Variants in FLOT2 observed in about 807,000 individuals in gnomAD.
The protein encoded by FLOT2 is flotillin 2.
FLOT2 carries 35 observed loss-of-function variants against 54.9 expected under a neutral mutation model. The observed-to-expected ratio is 0.64, with a 90% CI of 0.49 to 0.84. FLOT2 has a LOEUF of 0.84. Ranked by LOEUF, FLOT2 falls within the 40% of genes least tolerant of loss-of-function variation. FLOT2 has a pLI of 0.00. For synonymous variants in FLOT2, 207 were observed against 228.9 expected (o/e 0.90, Z 0.86); for missense variants, 464 against 572.1 (o/e 0.81, Z 1.93).
rs1231758161 is a variant in FLOT2 at position 28,885,966 on chromosome 17, G to T, written c.132-1651C>A. On this transcript the variant is annotated intron_variant, in intron 2 of 10. Transcript: ENST00000394908. Reference sequence around the variant, plus strand: ...AGACAGTCTGAGGAGCAGCCAGGGGGTGGGGAGAGGTAGGGACAGGAAGGG... The same window carrying T: ...AGACAGTCTGAGGAGCAGCCAGGGGTTGGGGAGAGGTAGGGACAGGAAGGG... 5 of 1,498,930 alleles carry T rather than the reference G, an allele frequency of 3.3e-6. No homozygotes were observed. The Admixed American group carries it at 7.9e-5, about 24-fold the overall frequency. The allele number at this position is 1,498,930 out of a possible 1,614,324, so 92.9% of individuals were successfully genotyped here. A position where few individuals can be genotyped will look rare whatever the true frequency, so the allele number is the denominator to read the frequency against.
chr17:28,882,513 TAACA>T lies in FLOT2; in HGVS notation c.465+56_465+59del, dbSNP rs1307202649. On this transcript the variant is annotated intron_variant, in intron 5 of 10. Transcript: ENST00000394908. This position sits in a 1 kb window ranked among gnomAD's most constrained non-coding sequence, Gnocchi z 5.6. ...AGCCAGAGGCACAAAGGTGCCCCTCTAACAAAGCCACCATCTCCCAGATGGACGC... is the reference window on the plus strand; with the variant it reads ...AGCCAGAGGCACAAAGGTGCCCCTCTAAGCCACCATCTCCCAGATGGACGC... 6.3e-7 allele frequency: 1 copy of T among 1,587,552 alleles called. No individual in the cohort carries two copies. Among genetic ancestry groups the T allele is most frequent in the East Asian group, 2.2e-5 (1 of 44,736 alleles).
intron 1 of FLOT2, among the ~76,000 whole-genome samples, chr17:28,896,535 C>T (rs1449208640): frequency 6.6e-6 from 1 of 152,136 alleles, no homozygotes; most frequent in African/African-American, 2.4e-5. Flanking sequence ...ATTTTGAGAT[C>T]CAAAGTGAGC....
intron 2 of FLOT2, among the ~76,000 whole-genome samples, chr17:28,887,559 T>A (rs1379107305): frequency 2.0e-5 from 3 of 152,128 alleles, no homozygotes; most frequent in African/African-American, 7.2e-5. Flanking sequence ...CTGGCTCTGC[T>A]CCCTGGAGCA....
intron 8 of FLOT2, 107 bp from the exon 9 acceptor site, chr17:28,881,482 G>T: frequency 8.4e-7 from 1 of 1,195,952 alleles, no homozygotes; most frequent in Non-Finnish European, 1.2e-6. Flanking sequence ...GGGCTGTCGG[G>T]GTGGGAGACA....
chr17:28,880,454 CG>C lies in FLOT2; in HGVS notation c.*106del, dbSNP rs1271119409. ...GAACACGCAGCACTTCTGGTCCCTTCGAGATAAGGCACCAGAGTCAGTAACG... is the reference window on the plus strand; with the variant it reads ...GAACACGCAGCACTTCTGGTCCCTTCAGATAAGGCACCAGAGTCAGTAACG... On this transcript the variant is annotated 3_prime_UTR_variant, in exon 11 of 11. Transcript: ENST00000394908. 3.3e-6 allele frequency: 5 copies of C among 1,537,458 alleles called. No individual in the cohort carries two copies. Among genetic ancestry groups the C allele is most frequent in the Non-Finnish European group, 2.6e-6 (3 of 1,142,346 alleles).
intron 1 of FLOT2, among the ~76,000 whole-genome samples, chr17:28,890,217 G>T (rs1335292654): frequency 1.3e-5 from 2 of 152,194 alleles, no homozygotes; most frequent in Non-Finnish European, 2.9e-5. Context: ...AGGCTAACTT[G>T]TGGTACCAAT....
intron 1 of FLOT2, chr17:28,892,799 C>T (rs1310901037): frequency 2.0e-5 from 3 of 152,224 alleles, no homozygotes; most frequent in Non-Finnish European, 4.4e-5. Flanking sequence ...TACAGGCAAC[C>T]ACCACCACGT....
In FLOT2 at chr17:28,879,557, G is replaced by A. The variant is rs973189169; in HGVS notation, c.*1004C>T. ...GCCTCCATTGGAGCAAGGAGACAGA[G>A]GATTGGGTTGCTTCCCCATGGCTGG... On this transcript the variant is annotated 3_prime_UTR_variant, in exon 11 of 11. Coordinates refer to ENST00000394908, the MANE Select transcript of FLOT2 (RefSeq NM_004475.3). 5 of 985,862 alleles carry A rather than the reference G, an allele frequency of 5.1e-6. No homozygotes were observed. In the African/African-American group the frequency reaches 8.7e-5, roughly 17 times the overall value. 61.1% of individuals were successfully genotyped at this position (985,862 alleles called of 1,614,324 possible).
chr17:28,897,396 G>A lies in FLOT2; in HGVS notation c.49+130C>T. On this transcript the variant is annotated intron_variant, in intron 1 of 10. Transcript: ENST00000394908. The surrounding 1 kb of genome is among the most constrained non-coding windows in gnomAD (Gnocchi z 4.4). The stretch of plus-strand genomic sequence containing the variant: ...GAGATCTCTCTTGGAAGGGGCCTCA[G>A]GTGCGGCCCGGGGGCCAGCGCCCTG... The A allele has an allele frequency of 1.2e-6, 1 of 823,160 alleles. No homozygotes were observed. The highest frequency in any genetic ancestry group is 1.8e-6 in the Non-Finnish European group (1 of 541,906). The allele number at this position is 823,160 out of a possible 1,614,324, so 51.0% of individuals were successfully genotyped here.
chr17:28,884,356 C>A lies in FLOT2; in HGVS notation c.132-41G>T. 1 of 1,377,118 alleles carries A rather than the reference C, an allele frequency of 7.3e-7. No homozygotes were observed. The highest frequency in any genetic ancestry group is 1.2e-5 in the South Asian group (1 of 80,760). 85.3% of individuals were successfully genotyped at this position (1,377,118 alleles called of 1,614,324 possible). On this transcript the variant is annotated intron_variant, in intron 2 of 10. Transcript: ENST00000394908. The surrounding 1 kb of genome is among the most constrained non-coding windows in gnomAD (Gnocchi z 5.1). Reference sequence around the variant, plus strand: ...AAACAGGGGCATGGGTCTGGGGGCGCAGGGCCTGGTGGTGTTGGGAAAGAG... The same window carrying A: ...AAACAGGGGCATGGGTCTGGGGGCGAAGGGCCTGGTGGTGTTGGGAAAGAG...
At chr17:28,893,411 C>CT (rs11300363) in intron 1 of FLOT2, 21,502 of 135,578 alleles carry the variant, frequency 0.16, 1,929 homozygotes, top group African/African-American at 0.19. Context: ...CCTCCACCTT[C>CT]TTTTTTTTTT....
chr17:28,895,948 T>C (rs1036088364), intron 1 of FLOT2, among the ~76,000 whole-genome samples: 11 of 151,936 alleles, frequency 7.2e-5, no homozygotes, highest in Non-Finnish European at 1.3e-4. Context: ...GGGGCAGGGG[T>C]GGGGGCAGTT....
chr17:28,890,390 CTT>C (rs55640637), intron 1 of FLOT2, among the ~76,000 whole-genome samples: 3 of 145,146 alleles, frequency 2.1e-5, no homozygotes. Flanking sequence ...CCTGAGATTT[CTT>C]TTTTTTTTTT....
At chr17:28,887,558 C>T (rs752612907) in intron 2 of FLOT2, among the ~76,000 whole-genome samples, 28 of 152,226 alleles carry the variant, frequency 1.8e-4, no homozygotes, top group Non-Finnish European at 3.5e-4. Context: ...CCTGGCTCTG[C>T]TCCCTGGAGC....
Position 28,882,806 on chromosome 17 carries a change from C to T in FLOT2, c.347-115G>A. On this transcript the variant is annotated intron_variant, in intron 4 of 10. Coordinates refer to ENST00000394908, the MANE Select transcript of FLOT2 (RefSeq NM_004475.3). This position sits in a 1 kb window ranked among gnomAD's most constrained non-coding sequence, Gnocchi z 5.6. ...CGGGGTGCTGCACTCTGAGCTGGGT[C>T]TTCCTGGGGTATCTTCTCAACAGCA... 1 of 734,190 alleles carries T rather than the reference C, an allele frequency of 1.4e-6. No homozygotes were observed. Among genetic ancestry groups the T allele is most frequent in the South Asian group, 1.6e-5 (1 of 61,560 alleles). 45.5% of individuals were successfully genotyped at this position (734,190 alleles called of 1,614,324 possible).
In FLOT2 at chr17:28,880,526, G is replaced by A. The variant is rs1278619665; in HGVS notation, c.*35C>T. Reference sequence around the variant, plus strand: ...TAAAACGGGTGCTGGAGGGAGGGCCGGGTGGCTGCTGAAGAGAGTGGGCCT... The same window carrying A: ...TAAAACGGGTGCTGGAGGGAGGGCCAGGTGGCTGCTGAAGAGAGTGGGCCT... On this transcript the variant is annotated 3_prime_UTR_variant, in exon 11 of 11. Coordinates refer to ENST00000394908, the MANE Select transcript of FLOT2 (RefSeq NM_004475.3). 5 of 1,607,436 alleles carry A rather than the reference G, an allele frequency of 3.1e-6. No homozygotes were observed. The highest frequency in any genetic ancestry group is 4.5e-5 in the East Asian group (2 of 44,820).
At chr17:28,895,653 C>G (rs942217707) in intron 1 of FLOT2, among the ~76,000 whole-genome samples, 2 of 152,192 alleles carry the variant, frequency 1.3e-5, no homozygotes, top group African/African-American at 4.8e-5. Context: ...TTCATAATCA[C>G]AGAAAACACT....
rs575307164 is a variant in FLOT2 at position 28,879,347 on chromosome 17, A to G, written c.*1214T>C. On this transcript the variant is annotated 3_prime_UTR_variant, in exon 11 of 11. Coordinates refer to ENST00000394908, the MANE Select transcript of FLOT2 (RefSeq NM_004475.3). ...AAGACACAATGCAGGGGTGGGCATT[A>G]AGAGTTCTTTATTTTACCAGAAGGG... 111 of 988,024 alleles carry G rather than the reference A, an allele frequency of 1.1e-4. 1 individual carries two copies. In the African/African-American group the frequency reaches 1.8e-3, roughly 16 times the overall value. The allele number at this position is 988,024 out of a possible 1,614,324, so 61.2% of individuals were successfully genotyped here.
chr17:28,883,353 CT>C lies in FLOT2; in HGVS notation c.223-123del. On this transcript the variant is annotated intron_variant, in intron 3 of 10. Transcript: ENST00000394908. This position sits in a 1 kb window ranked among gnomAD's most constrained non-coding sequence, Gnocchi z 5.0. ...CTTCCTTTTTTCAGACCTGGAGGCC[CT>C]GGGGGGCTGGAATCTGTCTGAAGCC... is the stretch of plus-strand genomic sequence containing the variant. 1 of 1,223,624 alleles carries C rather than the reference CT, an allele frequency of 8.2e-7. No homozygotes were observed. The highest frequency in any genetic ancestry group is 1.2e-6 in the Non-Finnish European group (1 of 863,152). 75.8% of individuals were successfully genotyped at this position (1,223,624 alleles called of 1,614,324 possible).
Sources: allele counts gnomAD v4.1 joint callset (sites outside exome capture counted in the v4.1 genomes callset), GRCh38; gene constraint gnomAD v4.1.1; non-coding constraint Gnocchi (gnomAD v3.1); transcripts MANE v1.5; gene names NCBI Gene and HGNC (gene_info 2026-07-23, HGNC 2026-07-21).